Variants in FAM222B observed in about 807,000 individuals in gnomAD.
FAM222B encodes the protein protein FAM222B.
Under a neutral mutation model 38.0 loss-of-function variants are expected in FAM222B, and 12 were observed. The observed-to-expected ratio is 0.32, with a 90% CI of 0.20 to 0.51. FAM222B has a LOEUF of 0.51. Ranked by LOEUF, FAM222B falls within the 20% of genes least tolerant of loss-of-function variation. The pLI is 0.97. For synonymous variants in FAM222B, 329 were observed against 317.2 expected (o/e 1.04, Z -0.40); for missense variants, 716 against 754.2 (o/e 0.95, Z 0.59).
intron 2 of FAM222B, among the ~76,000 whole-genome samples, chr17:28,763,067 C>T (rs900192807): frequency 6.6e-6 from 1 of 152,148 alleles, no homozygotes; most frequent in African/African-American, 2.4e-5. Flanking sequence ...TTGTAAGCGA[C>T]TTACTTAAAT....
At chr17:28,850,525 C>G (rs1454012769) in intron 1 of FAM222B, among the ~76,000 whole-genome samples, 1 of 152,070 alleles carries the variant, frequency 6.6e-6, no homozygotes, top group East Asian at 1.9e-4. Context: ...GTCTCGATCT[C>G]CTGACCTTGT....
chr17:28,814,719 G>A (rs958945433), intron 1 of FAM222B, among the ~76,000 whole-genome samples: 3 of 151,252 alleles, frequency 2.0e-5, no homozygotes, highest in Non-Finnish European at 4.4e-5. Flanking sequence ...TGCCTGCCTC[G>A]GCCTCCCAAA....
intron 1 of FAM222B, among the ~76,000 whole-genome samples, chr17:28,795,489 C>G (rs996693079): frequency 1.3e-5 from 2 of 152,188 alleles, no homozygotes; most frequent in African/African-American, 4.8e-5. Flanking sequence ...GGCTGGAGCA[C>G]AGTGATGCAA....
intron 1 of FAM222B, among the ~76,000 whole-genome samples, chr17:28,805,236 T>C (rs1455609545): frequency 6.6e-6 from 1 of 152,124 alleles, no homozygotes; most frequent in Non-Finnish European, 1.5e-5. Context: ...TGCGAACCTG[T>C]GGTCCTACCT....
intron 1 of FAM222B, among the ~76,000 whole-genome samples, chr17:28,827,863 T>C (rs1598031684): frequency 6.6e-6 from 1 of 152,152 alleles, no homozygotes; most frequent in East Asian, 1.9e-4. Context: ...AGATCATTCT[T>C]GTGGCAGTGT....
At chr17:28,805,921 C>T (rs962847149) in intron 1 of FAM222B, among the ~76,000 whole-genome samples, 1 of 152,108 alleles carries the variant, frequency 6.6e-6, no homozygotes, top group African/African-American at 2.4e-5. Flanking sequence ...GTGGGCGTAT[C>T]ACCTGAGGTC....
At chr17:28,789,545 G>A (rs2036575553) in intron 1 of FAM222B, among the ~76,000 whole-genome samples, 1 of 152,072 alleles carries the variant, frequency 6.6e-6, no homozygotes, top group Admixed American at 6.6e-5. Context: ...CCAACTCAGT[G>A]TCCTTATCAA....
At chr17:28,819,972 T>C (rs2038153709) in intron 1 of FAM222B, among the ~76,000 whole-genome samples, 1 of 152,220 alleles carries the variant, frequency 6.6e-6, no homozygotes, top group Admixed American at 6.5e-5. Context: ...CTTTCACTTG[T>C]CCTTGATACA....
intron 1 of FAM222B, among the ~76,000 whole-genome samples, chr17:28,823,875 A>ATTTTTTTT (rs367743538): frequency 2.2e-5 from 3 of 134,074 alleles, no homozygotes; most frequent in Non-Finnish European, 4.8e-5. Flanking sequence ...CCAAAAGAGA[A>ATTTTTTTT]TTTTTTTTTT....
intron 1 of FAM222B, chr17:28,849,652 A>C (rs563434764): frequency 1.3e-5 from 2 of 152,178 alleles, no homozygotes; most frequent in South Asian, 4.2e-4. Context: ...CATTTTTTTC[A>C]TTACAGCCTG....
rs963197256 is a variant in FAM222B at position 28,777,881 on chromosome 17, T to A, written c.-40-11174A>T. Among the ~76,000 whole-genome samples, 3 of 151,956 alleles carry A rather than the reference T, an allele frequency of 2.0e-5. No individual in the cohort carries two copies. In the East Asian group the frequency reaches 5.8e-4, roughly 29 times the overall value. On this transcript the variant is annotated intron_variant, in intron 1 of 2. Coordinates refer to ENST00000581407, the MANE Select transcript of FAM222B (RefSeq NM_001077498.3). ...TTGGCTCACTGTAGCCTTGACTTCC[T>A]GGGTTCAGGTGATCCTCCAACTTCA...
intron 1 of FAM222B, among the ~76,000 whole-genome samples, chr17:28,816,256 G>A (rs2038019561): frequency 2.6e-5 from 4 of 152,004 alleles, no homozygotes; most frequent in Admixed American, 6.6e-5. Flanking sequence ...CAGCCTGGGC[G>A]AGTGGGACTC....
chr17:28,759,575 G>C lies in FAM222B; in HGVS notation c.384C>G (p.Ile128Met), dbSNP rs371932859. Reference protein sequence around the residue: ...GTRARLLPEAIMNPPVAPYAT... With the variant: ...GTRARLLPEAMMNPPVAPYAT... The stretch of plus-strand genomic sequence containing the variant: ...CATAGGGTGCCACTGGGGGGTTCAT[G>C]ATGGCCTCAGGGAGCAACCGGGCTC... The change falls in exon 3 of 3, where the codon ATC (isoleucine) becomes ATG (methionine). Residue 128 changes from isoleucine (I) to methionine (M), a missense_variant. Coordinates refer to ENST00000581407, the MANE Select transcript of FAM222B (RefSeq NM_001077498.3). The surrounding 1 kb of genome is among the most constrained non-coding windows in gnomAD (Gnocchi z 4.8). The C allele has an allele frequency of 1.1e-5, 18 of 1,611,258 alleles. No individual in the cohort carries two copies. The highest frequency in any genetic ancestry group is 4.4e-5 in the South Asian group (4 of 90,556).
intron 1 of FAM222B, among the ~76,000 whole-genome samples, chr17:28,840,025 G>A (rs1035058536): frequency 1.6e-4 from 24 of 152,132 alleles, no homozygotes; most frequent in African/African-American, 5.5e-4. Context: ...AATCCTCAGA[G>A]TCAGCAAAGC....
intron 1 of FAM222B, among the ~76,000 whole-genome samples, chr17:28,833,670 A>T (rs1158501813): frequency 6.6e-6 from 1 of 151,998 alleles, no homozygotes; most frequent in Non-Finnish European, 1.5e-5. Context: ...AATAAGGAAA[A>T]GGACTAGCAC....
chr17:28,838,778 G>C (rs915361891), intron 1 of FAM222B, among the ~76,000 whole-genome samples: 12 of 151,264 alleles, frequency 7.9e-5, no homozygotes, highest in African/African-American at 2.7e-4. Context: ...ATGGTGGTAC[G>C]CGCCTGTAAT....
intron 1 of FAM222B, among the ~76,000 whole-genome samples, chr17:28,806,900 A>G (rs1318068231): frequency 6.6e-6 from 1 of 152,206 alleles, no homozygotes; most frequent in African/African-American, 2.4e-5. Context: ...AAATCACTTA[A>G]GTTATTTAGA....
rs763413670 is a variant in FAM222B, at chr17:28,758,773, G to T, written c.1186C>A (p.Arg396Ser). 8 of 1,572,806 alleles carry T rather than the reference G, an allele frequency of 5.1e-6. No individual in the cohort carries two copies. Among genetic ancestry groups the T allele is most frequent in the African/African-American group, 1.4e-5 (1 of 73,972 alleles). The change falls in exon 3 of 3, where the codon CGC (arginine) becomes AGC (serine). Residue 396 changes from arginine (R) to serine (S), a missense_variant. Coordinates refer to ENST00000581407, the MANE Select transcript of FAM222B (RefSeq NM_001077498.3). ...ACAAAGCCAGGCCCTGCCAACTCGC[G>T]TCCTGCCGCATGCTTGCCTGTCAGG... is the stretch of plus-strand genomic sequence containing the variant. Reference protein sequence around the residue: ...PGLTGKHAAGRELAGPGFVGK... With the variant: ...PGLTGKHAAGSELAGPGFVGK...
At chr17:28,785,560 A>C (rs2036370034) in intron 1 of FAM222B, among the ~76,000 whole-genome samples, 1 of 152,146 alleles carries the variant, frequency 6.6e-6, no homozygotes, top group Admixed American at 6.5e-5. Flanking sequence ...TTTGAGACAG[A>C]GTTTCGCTCT....
Sources: allele counts gnomAD v4.1 joint callset (sites outside exome capture counted in the v4.1 genomes callset), GRCh38; gene constraint gnomAD v4.1.1; non-coding constraint Gnocchi (gnomAD v3.1); transcripts MANE v1.5; gene names NCBI Gene and HGNC (gene_info 2026-07-23, HGNC 2026-07-21).